Variants in TPM4 observed in about 807,000 individuals in gnomAD.
TPM4 encodes the protein tropomyosin 4, also known as tropomyosin alpha-4 chain.
A neutral mutation model predicts 35.8 loss-of-function variants in TPM4; 17 were observed. That is an observed-to-expected ratio of 0.47 (90% CI 0.32 to 0.71). The LOEUF is 0.71. TPM4 is among the 30% of genes least tolerant of loss of function. The pLI is 0.03. For synonymous variants in TPM4, 120 were observed against 122.9 expected (o/e 0.98, Z 0.15); for missense variants, 240 against 320.9 (o/e 0.75, Z 1.93).
intron 7 of TPM4, among the ~76,000 whole-genome samples, chr19:16,097,779 G>A (rs895261351): frequency 6.6e-6 from 1 of 151,612 alleles, no homozygotes; most frequent in African/African-American, 2.4e-5. Flanking sequence ...CTGAATTTTC[G>A]GTATCCATTG....
Position 16,091,939 on chromosome 19 carries a change from G to A in TPM4, c.532-1597G>A, listed in dbSNP as rs142078853. 7.4e-3 allele frequency among the ~76,000 whole-genome samples: 1,120 copies of A among 152,230 alleles called. 12 individuals are homozygous for A. Among genetic ancestry groups the A allele is most frequent in the African/African-American group, 0.026 (1,070 of 41,524 alleles). On this transcript the variant is annotated intron_variant, in intron 5 of 7. Transcript: ENST00000643579. ...AGTTATTATTGGGAGGCCGAGGCAGGCGGATCACCTGAGGTCAGGAGTTCG... is the reference window on the plus strand; with the variant it reads ...AGTTATTATTGGGAGGCCGAGGCAGACGGATCACCTGAGGTCAGGAGTTCG...
chr19:16,075,735 A>C, upstream of TPM4: 1 of 266,762 alleles, frequency 3.7e-6, no homozygotes. Flanking sequence ...TGAAACTGGA[A>C]TGTGTGTATT....
At chr19:16,078,848 A>AAAAC (rs926237631) in intron 1 of TPM4, among the ~76,000 whole-genome samples, 5 of 151,438 alleles carry the variant, frequency 3.3e-5, no homozygotes, top group African/African-American at 1.2e-4. Context: ...AAAAAAAAAA[A>AAAAC]ACCTTTCACT....
intron 1 of TPM4, chr19:16,080,250 C>A (rs1054164612): frequency 4.9e-6 from 1 of 204,812 alleles, no homozygotes; most frequent in Non-Finnish European, 1.0e-5. Context: ...CTTACCAATT[C>A]TGAGTCACTG....
chr19:16,090,584 C>T (rs752758973), intron 5 of TPM4, among the ~76,000 whole-genome samples: 24 of 152,194 alleles, frequency 1.6e-4, no homozygotes, highest in Non-Finnish European at 2.2e-4. Context: ...TCTGCTTAAA[C>T]ATCACTTCTG....
chr19:16,087,964 A>C, intron 3 of TPM4, 63 bp from the exon 4 acceptor site: 6 of 1,547,850 alleles, frequency 3.9e-6, no homozygotes, highest in Non-Finnish European at 5.3e-6. Context: ...GGCTGTCTGC[A>C]GTGGATGGGA....
In TPM4 at chr19:16,089,378, A is replaced by T. The variant is rs559727956; in HGVS notation, c.531+258A>T. 3.3e-5 allele frequency among the ~76,000 whole-genome samples: 5 copies of T among 152,278 alleles called. No homozygotes were observed. The East Asian group carries it at 9.6e-4, about 29-fold the overall frequency. On this transcript the variant is annotated intron_variant, in intron 5 of 7. Transcript: ENST00000643579. ...AGAGATAGAACATGAGGCTCTTCTT[A>T]GCGAGATCTGAGCATAGTTGTATAA...
chr19:16,079,413 A>C (rs2090454164), intron 1 of TPM4, among the ~76,000 whole-genome samples: 1 of 152,170 alleles, frequency 6.6e-6, no homozygotes, highest in Non-Finnish European at 1.5e-5. Flanking sequence ...TGGTAGGAGG[A>C]GTTAAGATCT....
At chr19:16,089,852 C>CA (rs1555710080) in intron 5 of TPM4, among the ~76,000 whole-genome samples, 2 of 150,568 alleles carry the variant, frequency 1.3e-5, no homozygotes, top group Non-Finnish European at 3.0e-5. Flanking sequence ...CCTATTCAGC[C>CA]TTTTTTTTTC....
chr19:16,081,259 A>G lies in TPM4; in HGVS notation c.133-654A>G, dbSNP rs1599368278. On this transcript the variant is annotated intron_variant, in intron 1 of 7. Coordinates refer to ENST00000643579, the MANE Select transcript of TPM4 (RefSeq NM_003290.3). ...GTAACACTGTGTGCCTTTTTCAGAG[A>G]AGAGCCTATCTTAGATCTTAGCCTA... 1.3e-5 allele frequency: 5 copies of G among 394,230 alleles called. No homozygotes were observed. In the East Asian group the frequency reaches 1.8e-4, roughly 14 times the overall value. 24.4% of individuals were successfully genotyped at this position (394,230 alleles called of 1,614,324 possible).
chr19:16,101,136 A>G lies in TPM4; in HGVS notation c.665-128A>G. 2.1e-5 allele frequency: 15 copies of G among 699,742 alleles called. 1 individual carries two copies. The South Asian group carries it at 2.8e-4, about 13-fold the overall frequency. The allele number at this position is 699,742 out of a possible 1,614,324, so 43.3% of individuals were successfully genotyped here. A position where few individuals can be genotyped will look rare whatever the true frequency, so the allele number is the denominator to read the frequency against. On this transcript the variant is annotated intron_variant, in intron 7 of 7. Coordinates refer to ENST00000643579, the MANE Select transcript of TPM4 (RefSeq NM_003290.3). ...CAGTGAGCCAAGATCGCGCCACTGC[A>G]CTCCAGCCTGGGTGACAGAATGAGA... is the stretch of plus-strand genomic sequence containing the variant.
intron 1 of TPM4, among the ~76,000 whole-genome samples, chr19:16,078,694 A>C (rs926357716): frequency 6.6e-6 from 1 of 152,146 alleles, no homozygotes; most frequent in Admixed American, 6.6e-5. Context: ...TCTAGTTGGG[A>C]GAGAAGATGT....
Position 16,101,523 on chromosome 19 carries a change from C to A in TPM4, c.*177C>A. On this transcript the variant is annotated 3_prime_UTR_variant, in exon 8 of 8. Coordinates refer to ENST00000643579, the MANE Select transcript of TPM4 (RefSeq NM_003290.3). Reference sequence around the variant, plus strand: ...GAAGCTTTGAGCACCAGTTAAATCTCATTCCTTCCCTTTTTTTTTCAAATG... The same window carrying A: ...GAAGCTTTGAGCACCAGTTAAATCTAATTCCTTCCCTTTTTTTTTCAAATG... 1 of 459,166 alleles carries A rather than the reference C, an allele frequency of 2.2e-6. No homozygotes were observed. Among genetic ancestry groups the A allele is most frequent in the Non-Finnish European group, 3.9e-6 (1 of 254,010 alleles). 28.4% of individuals were successfully genotyped at this position (459,166 alleles called of 1,614,324 possible). A position where few individuals can be genotyped will look rare whatever the true frequency, so the allele number is the denominator to read the frequency against.
chr19:16,084,560 T>C (rs1460100227), intron 2 of TPM4, among the ~76,000 whole-genome samples: 1 of 152,230 alleles, frequency 6.6e-6, no homozygotes, highest in East Asian at 1.9e-4. Flanking sequence ...GGCCAGTCTC[T>C]TGTTTGCACC....
In TPM4 at chr19:16,086,448, G is replaced by C; in HGVS notation, c.292G>C (p.Ala98Pro). The C allele has an allele frequency of 6.2e-7, 1 of 1,613,540 alleles. No individual in the cohort carries two copies. Among genetic ancestry groups the C allele is most frequent in the Non-Finnish European group, 8.5e-7 (1 of 1,179,972 alleles). ...AGGAATGAAGGTGATAGAAAACCGG[G>C]CCATGAAGGATGAGGAGAAGATGGA... ...ERGMKVIENR[A>P]MKDEEKMEIQ... The change falls in exon 3 of 8, where the codon GCC becomes CCC. Residue 98 changes from alanine to proline, a missense_variant. Coordinates refer to ENST00000643579, the MANE Select transcript of TPM4 (RefSeq NM_003290.3).
intron 5 of TPM4, among the ~76,000 whole-genome samples, chr19:16,091,959 A>T (rs1266580771): frequency 6.6e-6 from 1 of 151,850 alleles, no homozygotes; most frequent in Admixed American, 6.6e-5. Flanking sequence ...TGAGGTCAGG[A>T]GTTCGAGAGC....
chr19:16,069,648 TG>T (rs1407727371), intron 2 of TPM4, among the ~76,000 whole-genome samples: 1 of 136,002 alleles, frequency 7.4e-6, no homozygotes, highest in Non-Finnish European at 1.6e-5. Context: ...GTGTTTCTGT[TG>T]GTGTGTGTGT....
chr19:16,087,537 A>C (rs561665764), intron 3 of TPM4, among the ~76,000 whole-genome samples: 2 of 152,182 alleles, frequency 1.3e-5, no homozygotes, highest in Non-Finnish European at 2.9e-5. Flanking sequence ...AGGTTGAGCC[A>C]CTGCATTTCA....
intron 4 of TPM4, 123 bp downstream of exon 4, chr19:16,088,220 C>A (rs1779510558): frequency 1.4e-6 from 2 of 1,439,396 alleles, no homozygotes; most frequent in Admixed American, 2.0e-5. Context: ...GCGTCAGGGG[C>A]TCATGGCTCA....
Sources: allele counts gnomAD v4.1 joint callset (sites outside exome capture counted in the v4.1 genomes callset), GRCh38; gene constraint gnomAD v4.1.1; transcripts MANE v1.5; gene names NCBI Gene and HGNC (gene_info 2026-07-23, HGNC 2026-07-21).